The following ACSS3 variants were observed in gnomAD, a reference collection of about 807,000 sequenced individuals.
ACSS3 encodes acyl-CoA synthetase short chain family member 3, also known as acyl-CoA synthetase short-chain family member 3, mitochondrial.
ACSS3 carries 64 observed loss-of-function variants against 84.2 expected under a neutral mutation model. The ratio of observed to expected loss-of-function variants is 0.76; its 90% CI spans 0.62 to 0.94. The LOEUF is 0.94. Among genes scored for constraint, ACSS3 ranks in the 40% least tolerant of loss-of-function variants. The pLI is 0.00. For missense variants in ACSS3, 815 were observed against 867.6 expected, an observed-to-expected ratio of 0.94 and a Z score of 0.76; for synonymous variants, 317 against 310.1, an observed-to-expected ratio of 1.02 and a Z score of -0.23.
intron 7 of ACSS3, among the ~76,000 whole-genome samples, chr12:81,171,681 A>C (rs1217720639): frequency 6.6e-6 from 1 of 152,188 alleles, no homozygotes; most frequent in African/African-American, 2.4e-5. Context: ...CTTGCAATAG[A>C]AGTTAAAATC....
rs756941408 is a variant in ACSS3, at chr12:81,150,036, A to C, written c.922-1808A>C. Reference sequence around the variant, plus strand: ...CTGAGAGGTAAATAGAAATTTGTCAACTTATCCTTTACATTTATGTTTCAG... The same window carrying C: ...CTGAGAGGTAAATAGAAATTTGTCACCTTATCCTTTACATTTATGTTTCAG... On this transcript the variant is annotated intron_variant, in intron 5 of 15. Transcript: ENST00000548058. Among the ~76,000 whole-genome samples, 13 of 152,282 alleles carry C rather than the reference A, an allele frequency of 8.5e-5. 1 individual carries two copies. The highest frequency in any genetic ancestry group is 2.6e-4 in the Admixed American group (4 of 15,294).
chr12:81,084,035 C>G (rs1053377519), intron 1 of ACSS3, among the ~76,000 whole-genome samples: 2 of 152,118 alleles, frequency 1.3e-5, no homozygotes, highest in Non-Finnish European at 2.9e-5. Context: ...CAGCAACACT[C>G]GGCTGGAACT....
At chr12:81,202,786 A>C (rs920014207) in intron 9 of ACSS3, among the ~76,000 whole-genome samples, 1 of 152,220 alleles carries the variant, frequency 6.6e-6, no homozygotes, top group African/African-American at 2.4e-5. Context: ...GGATATGTTA[A>C]GTAACTAAAA....
At chr12:81,243,010 G>T (rs1310725499) in intron 13 of ACSS3, among the ~76,000 whole-genome samples, 5 of 151,888 alleles carry the variant, frequency 3.3e-5, no homozygotes, top group South Asian at 2.1e-4. Context: ...TCTGGCTAGG[G>T]CAATTAGGCA....
At chr12:81,203,194 A>C (rs1413095128) in intron 9 of ACSS3, among the ~76,000 whole-genome samples, 1 of 152,278 alleles carries the variant, frequency 6.6e-6, no homozygotes, top group South Asian at 2.1e-4. Context: ...GGATAGGAGA[A>C]GAAGAGTGTA....
chr12:81,125,208 C>G (rs372742102), intron 2 of ACSS3, among the ~76,000 whole-genome samples: 2 of 151,002 alleles, frequency 1.3e-5, no homozygotes, highest in African/African-American at 4.9e-5. Context: ...AGCGAGACTT[C>G]GTCTCAAAAA....
chr12:81,139,093 G>C (rs371480572), intron 3 of ACSS3, 38 bp from the exon 4 acceptor site: 1 of 1,596,460 alleles, frequency 6.3e-7, no homozygotes, highest in African/African-American at 1.3e-5. Context: ...AATTAACATT[G>C]TTAAAGCTTT....
intron 2 of ACSS3, among the ~76,000 whole-genome samples, chr12:81,130,409 C>A (rs973695643): frequency 1.3e-5 from 2 of 152,190 alleles, no homozygotes; most frequent in Non-Finnish European, 2.9e-5. Context: ...TGTCAGTTGG[C>A]TGCATAAATG....
rs533817843 is a variant in ACSS3, at chr12:81,255,482, G to C, written c.*560G>C. The C allele has an allele frequency of 6.6e-6, 1 of 151,514 alleles. No individual in the cohort carries two copies. Among genetic ancestry groups the C allele is most frequent in the Non-Finnish European group, 1.5e-5 (1 of 67,912 alleles). The allele number at this position is 151,514 out of a possible 1,614,324, so 9.4% of individuals were successfully genotyped here. On this transcript the variant is annotated 3_prime_UTR_variant, in exon 16 of 16. Coordinates refer to ENST00000548058, the MANE Select transcript of ACSS3 (RefSeq NM_024560.4). ...TCTATACATTTTCTGAGGGAAAGCA[G>C]AACACCGGGGTTATAGCTATACCTT...
chr12:81,212,536 C>T (rs2032635510), intron 9 of ACSS3, among the ~76,000 whole-genome samples: 1 of 152,150 alleles, frequency 6.6e-6, no homozygotes, highest in Non-Finnish European at 1.5e-5. Flanking sequence ...ACTATGAAAA[C>T]TAGAACAAGT....
chr12:81,123,893 G>A (rs1292077893), intron 2 of ACSS3, among the ~76,000 whole-genome samples: 1 of 152,138 alleles, frequency 6.6e-6, no homozygotes. Flanking sequence ...TTGACTCTAT[G>A]TCTGTGCTAT....
chr12:81,209,254 C>G (rs1159506571), intron 9 of ACSS3, among the ~76,000 whole-genome samples: 1 of 152,118 alleles, frequency 6.6e-6, no homozygotes, highest in African/African-American at 2.4e-5. Context: ...GGCACACAGA[C>G]TGATTTCAGC....
intron 9 of ACSS3, among the ~76,000 whole-genome samples, chr12:81,203,093 C>A (rs2032182374): frequency 6.6e-6 from 1 of 152,132 alleles, no homozygotes; most frequent in African/African-American, 2.4e-5. Flanking sequence ...TGATGTCACT[C>A]TTAGTTTAAG....
At chr12:81,092,771 T>C (rs1881753183) in intron 1 of ACSS3, among the ~76,000 whole-genome samples, 1 of 152,142 alleles carries the variant, frequency 6.6e-6, no homozygotes, top group Non-Finnish European at 1.5e-5. Context: ...ATTATCAAAA[T>C]GTTAATGGGA....
intron 8 of ACSS3, among the ~76,000 whole-genome samples, chr12:81,188,219 G>T (rs1187150625): frequency 6.6e-6 from 1 of 151,858 alleles, no homozygotes; most frequent in Non-Finnish European, 1.5e-5. Flanking sequence ...TAATGAAACT[G>T]ATCTAGCCTT....
intron 13 of ACSS3, among the ~76,000 whole-genome samples, chr12:81,243,439 G>T (rs2033878586): frequency 6.6e-6 from 1 of 152,134 alleles, no homozygotes; most frequent in Non-Finnish European, 1.5e-5. Context: ...ACTGCCCAAG[G>T]TAATTTGTAG....
chr12:81,100,822 A>C (rs868711075), intron 1 of ACSS3, among the ~76,000 whole-genome samples: 1 of 152,202 alleles, frequency 6.6e-6, no homozygotes, highest in Non-Finnish European at 1.5e-5. Context: ...GGAGGAGGAT[A>C]TGTAGTAAGT....
At chr12:81,165,447 C>T (rs1286663441) in intron 7 of ACSS3, among the ~76,000 whole-genome samples, 1 of 152,066 alleles carries the variant, frequency 6.6e-6, no homozygotes, top group Admixed American at 6.5e-5. Flanking sequence ...AGATCGAGAC[C>T]ATCCTGGCTA....
intron 9 of ACSS3, among the ~76,000 whole-genome samples, chr12:81,204,071 C>T (rs1281594913): frequency 1.3e-5 from 2 of 151,994 alleles, no homozygotes; most frequent in African/African-American, 2.4e-5. Context: ...AGAGGTCAGA[C>T]AGGAAGCACA....
Sources: allele counts gnomAD v4.1 joint callset (sites outside exome capture counted in the v4.1 genomes callset), GRCh38; gene constraint gnomAD v4.1.1; transcripts MANE v1.5; gene names NCBI Gene and HGNC (gene_info 2026-07-23, HGNC 2026-07-21).